BLK: variants seen among roughly 807,000 people sequenced by gnomAD.
BLK encodes BLK proto-oncogene, Src family tyrosine kinase, also known as tyrosine-protein kinase Blk.
Under a neutral mutation model 61.8 loss-of-function variants are expected in BLK, and 64 were observed. The observed-to-expected ratio is 1.03, with a 90% CI of 0.85 to 1.27. The LOEUF (loss-of-function observed/expected upper bound fraction) is 1.27. BLK is among the 50% of genes most tolerant of loss of function. The pLI is 0.00. For synonymous variants in BLK, 351 were observed against 272.0 expected, an observed-to-expected ratio of 1.29 and a Z score of -2.86; for missense variants, 853 against 660.5, an observed-to-expected ratio of 1.29 and a Z score of -3.19.
chr8:11,558,082 C>T (rs1048956178), intron 10 of BLK, 44 bp downstream of exon 10: 2 of 1,588,882 alleles, frequency 1.3e-6, no homozygotes, highest in Middle Eastern at 3.4e-4. Flanking sequence ...CATGTGCCAC[C>T]TGCTGCCCAC....
At chr8:11,555,615 G>C in intron 8 of BLK, 131 bp downstream of exon 8, 1 of 1,394,734 alleles carries the variant, frequency 7.2e-7, no homozygotes. Context: ...GGACAGAGGC[G>C]AGGACACTCA....
At position 11,531,050 on chromosome 8, in the gene BLK, G is replaced by C. The variant is rs374838313; in HGVS notation, c.-1-12174G>C. On this transcript the variant is annotated intron_variant, in intron 1 of 12. Coordinates refer to ENST00000259089, the MANE Select transcript of BLK (RefSeq NM_001715.3). ...ATTTTAGCATCTGGGTGGTTGTGTG[G>C]TGGCATTTCACTGTGGTTTTAGTTG... 1.4e-4 allele frequency among the ~76,000 whole-genome samples: 21 copies of C among 152,230 alleles called. No individual in the cohort carries two copies. The East Asian group carries it at 2.7e-3, about 20-fold the overall frequency.
chr8:11,516,234 C>A (rs564394195), intron 1 of BLK, among the ~76,000 whole-genome samples: 1 of 152,290 alleles, frequency 6.6e-6, no homozygotes, highest in Admixed American at 6.5e-5. Context: ...GAAAGTAGAA[C>A]GGGGGTGCGA....
intron 7 of BLK, 129 bp from the exon 8 acceptor site, chr8:11,555,203 G>C: frequency 8.0e-7 from 1 of 1,243,496 alleles, no homozygotes; most frequent in Non-Finnish European, 1.2e-6. Context: ...ATGTGCAGGC[G>C]TGTGCACACA....
intron 6 of BLK, among the ~76,000 whole-genome samples, chr8:11,554,538 G>A (rs1801095574): frequency 6.6e-6 from 1 of 152,176 alleles, no homozygotes; most frequent in Non-Finnish European, 1.5e-5. Context: ...GGGATGCCAA[G>A]GTCAGAGTCA....
At chr8:11,545,683 G>A (rs1011182644) in intron 2 of BLK, 13 of 326,846 alleles carry the variant, frequency 4.0e-5, no homozygotes, top group African/African-American at 2.7e-4. Context: ...GAGTTTTGGG[G>A]AAATATGCTT....
In BLK at chr8:11,556,688, T is replaced by C. The variant is rs1801246896; in HGVS notation, c.803T>C (p.Ile268Thr). 8.1e-6 allele frequency: 13 copies of C among 1,614,160 alleles called. No homozygotes were observed. The highest frequency in any genetic ancestry group is 1.1e-5 in the Non-Finnish European group (13 of 1,180,028). ...TACAAAAACAACATGAAGGTGGCCA[T>C]TAAGACGCTGAAGGAGGGAACCATG... ...GYYKNNMKVAIKTLKEGTMSP... is the reference protein window; with the variant it reads ...GYYKNNMKVATKTLKEGTMSP... The change falls in exon 9 of 13, where the codon ATT becomes ACT. Residue 268 changes from isoleucine to threonine, a missense_variant. By Grantham distance (89) the Ile-to-Thr change is moderately conservative (BLOSUM62 -1). Transcript: ENST00000259089.
chr8:11,553,470 C>A lies in BLK; in HGVS notation c.473-1273C>A, dbSNP rs1265689817. On this transcript the variant is annotated intron_variant, in intron 6 of 12. Transcript: ENST00000259089. ...TTGTCAGAAGCCATCAGGGACGGGGCCTCAGAGCAGCCAGGCAAGTGAGGG... is the reference window on the plus strand; with the variant it reads ...TTGTCAGAAGCCATCAGGGACGGGGACTCAGAGCAGCCAGGCAAGTGAGGG... 5 of 398,568 alleles carry A rather than the reference C, an allele frequency of 1.3e-5. No homozygotes were observed. The Admixed American group carries it at 1.4e-4, about 11-fold the overall frequency. The allele number at this position is 398,568 out of a possible 1,614,324, so 24.7% of individuals were successfully genotyped here.
intron 6 of BLK, chr8:11,552,601 A>C (rs1264526777): frequency 6.6e-6 from 1 of 152,194 alleles, no homozygotes; most frequent in Non-Finnish European, 1.5e-5. Flanking sequence ...ACAATTATCA[A>C]CTGAGCCAGT....
At chr8:11,517,359 G>A (rs1222460771) in intron 1 of BLK, among the ~76,000 whole-genome samples, 4 of 152,166 alleles carry the variant, frequency 2.6e-5, no homozygotes, top group Non-Finnish European at 5.9e-5. Flanking sequence ...AAATTGACCA[G>A]GAACTCACCT....
intron 9 of BLK, 78 bp from the exon 10 acceptor site, chr8:11,557,884 A>C: frequency 7.5e-7 from 1 of 1,326,078 alleles, no homozygotes; most frequent in Non-Finnish European, 1.1e-6. Context: ...ATGGGGAGCC[A>C]CTCACACCAG....
At chr8:11,535,296 GAAA>G (rs1800079580) in intron 1 of BLK, among the ~76,000 whole-genome samples, 1 of 143,470 alleles carries the variant, frequency 7.0e-6, no homozygotes, top group African/African-American at 2.5e-5. Context: ...AAGAAAGAAA[GAAA>G]GAAAGAAAGA....
chr8:11,495,471 G>T (rs1408733723), intron 1 of BLK, among the ~76,000 whole-genome samples: 1 of 152,160 alleles, frequency 6.6e-6, no homozygotes, highest in Non-Finnish European at 1.5e-5. Flanking sequence ...CTTCACCAAG[G>T]GACCAAGCTT....
Position 11,550,262 on chromosome 8 carries a change from G to A in BLK, c.472G>A (p.Gly158Ser). ...TATCAGAGAGAGTGAAACCAACAAA[G>A]GTAGGCTTGGTGGCTTTGCCTGCCT... ...FLIRESETNKGAFSLSVKDVT... is the reference protein window; with the variant it reads ...FLIRESETNKSAFSLSVKDVT... The change falls in exon 6 of 13, where the codon GGT (glycine) becomes AGT (serine). Residue 158 changes from glycine to serine, a missense_variant and splice_region_variant. Transcript: ENST00000259089. 2.5e-6 allele frequency: 4 copies of A among 1,613,686 alleles called. No individual in the cohort carries two copies. The highest frequency in any genetic ancestry group is 1.1e-5 in the South Asian group (1 of 91,046).
chr8:11,543,103 T>C, intron 1 of BLK, 121 bp from the exon 2 acceptor site: 1 of 1,510,536 alleles, frequency 6.6e-7, no homozygotes, highest in East Asian at 2.3e-5. Flanking sequence ...AGGTCTTTGC[T>C]GCACCCACTT....
intron 1 of BLK, among the ~76,000 whole-genome samples, chr8:11,506,874 A>T (rs909121086): frequency 3.9e-5 from 6 of 152,204 alleles, no homozygotes; most frequent in Admixed American, 3.9e-4. Flanking sequence ...CGGTTGCCCA[A>T]ACTGACTCAA....
chr8:11,545,948 G>A (rs1245308797), intron 2 of BLK, 104 bp from the exon 3 acceptor site: 16 of 1,212,820 alleles, frequency 1.3e-5, no homozygotes, highest in Admixed American at 3.4e-5. Flanking sequence ...TCCTTCAGTA[G>A]GTCCCTGGAG....
chr8:11,537,342 A>G (rs1020832818), intron 1 of BLK, among the ~76,000 whole-genome samples: 2 of 152,238 alleles, frequency 1.3e-5, no homozygotes, highest in East Asian at 3.9e-4. Context: ...TGGCATTGTG[A>G]TCGCGACACC....
chr8:11,551,093 CA>C (rs1800878389), intron 6 of BLK, among the ~76,000 whole-genome samples: 1 of 152,132 alleles, frequency 6.6e-6, no homozygotes, highest in South Asian at 2.1e-4. Flanking sequence ...GTTTCGCCAC[CA>C]TGTCTTGTCT....
Sources: gnomAD v4.1 joint callset for allele counts (sites outside exome capture counted in the v4.1 genomes callset) on GRCh38, gnomAD v4.1.1 for gene constraint, MANE v1.5 for transcripts, NCBI Gene and HGNC (gene_info 2026-07-23, HGNC 2026-07-21) for gene names.